The following GABRA5 variants were observed in gnomAD, a reference collection of about 807,000 sequenced individuals.
GABRA5 encodes gamma-aminobutyric acid type A receptor subunit alpha5.
Under a neutral mutation model 47.3 loss-of-function variants are expected in GABRA5, and 18 were observed. The ratio of observed to expected loss-of-function variants is 0.38; its 90% CI spans 0.26 to 0.56. The LOEUF (loss-of-function observed/expected upper bound fraction) is 0.56. Among genes scored for constraint, GABRA5 ranks in the 20% least tolerant of loss-of-function variants. GABRA5 has a pLI of 0.71. For synonymous variants in GABRA5, 237 were observed against 229.3 expected, an observed-to-expected ratio of 1.03 and a Z score of -0.30; for missense variants, 365 against 599.3, an observed-to-expected ratio of 0.61 and a Z score of 4.08.
At chr15:26,913,596 G>C (rs1440154332) in intron 6 of GABRA5, among the ~76,000 whole-genome samples, 1 of 152,020 alleles carries the variant, frequency 6.6e-6, no homozygotes, top group Middle Eastern at 3.2e-3. Flanking sequence ...ATTATTATTT[G>C]CTCTAAAAAT....
intron 3 of GABRA5, 65 bp downstream of exon 3, chr15:26,869,399 C>A: frequency 2.1e-6 from 2 of 964,932 alleles, no homozygotes; most frequent in Admixed American, 1.7e-5. Context: ...AGACATGTTA[C>A]GGGAGCAGCA....
At chr15:26,885,335 A>AGAGATGT (rs1566867064) in intron 6 of GABRA5, among the ~76,000 whole-genome samples, 2 of 150,800 alleles carry the variant, frequency 1.3e-5, no homozygotes. Flanking sequence ...GACTCAGGCA[A>AGAGATGT]GAGATGTGGG....
intron 6 of GABRA5, among the ~76,000 whole-genome samples, chr15:26,907,631 A>G (rs961593468): frequency 4.6e-5 from 7 of 152,192 alleles, no homozygotes; most frequent in South Asian, 2.1e-4. Context: ...ATCTACAACC[A>G]TCACAGAATG....
chr15:26,939,641 C>G (rs890404113), intron 8 of GABRA5: 2 of 599,326 alleles, frequency 3.3e-6, no homozygotes, highest in Non-Finnish European at 5.9e-6. Context: ...GGGAGAGAGG[C>G]ACAGATTGTG....
chr15:26,885,156 G>T (rs574507809), intron 6 of GABRA5, among the ~76,000 whole-genome samples: 1 of 152,034 alleles, frequency 6.6e-6, no homozygotes, highest in African/African-American at 2.4e-5. Flanking sequence ...AAAATTAGCC[G>T]GGCGTGGTGG....
intron 3 of GABRA5, among the ~76,000 whole-genome samples, chr15:26,878,098 A>C (rs1298316935): frequency 6.6e-6 from 1 of 152,208 alleles, no homozygotes; most frequent in Non-Finnish European, 1.5e-5. Context: ...TGGGCTGAGG[A>C]CATCTTGGTT....
At chr15:26,945,753 G>T (rs1393324479) in intron 10 of GABRA5, among the ~76,000 whole-genome samples, 1 of 152,160 alleles carries the variant, frequency 6.6e-6, no homozygotes, top group Admixed American at 6.5e-5. Context: ...TCCAGGGCGC[G>T]TGTAAATCTC....
At chr15:26,935,257 A>G (rs770932883) in intron 7 of GABRA5, among the ~76,000 whole-genome samples, 5 of 152,234 alleles carry the variant, frequency 3.3e-5, no homozygotes, top group Non-Finnish European at 5.9e-5. Flanking sequence ...TAACATCGTC[A>G]ATATCAAGAG....
intron 7 of GABRA5, among the ~76,000 whole-genome samples, chr15:26,920,617 A>T (rs1388969907): frequency 4.6e-5 from 7 of 152,082 alleles, no homozygotes; most frequent in Non-Finnish European, 8.8e-5. Context: ...CTTTCATTTT[A>T]TGGAACATAT....
At chr15:26,879,057 C>T (rs1016826241) in intron 3 of GABRA5, among the ~76,000 whole-genome samples, 1 of 152,226 alleles carries the variant, frequency 6.6e-6, no homozygotes, top group Non-Finnish European at 1.5e-5. Flanking sequence ...TACCATCTAA[C>T]ACAATTTAGG....
At chr15:26,933,883 A>C (rs1440462783) in intron 7 of GABRA5, among the ~76,000 whole-genome samples, 1 of 152,140 alleles carries the variant, frequency 6.6e-6, no homozygotes, top group Admixed American at 6.5e-5. Context: ...TCAAAGTTTT[A>C]CCATTGATGT....
rs112461960 is a variant in GABRA5, at chr15:26,913,277, T to A, written c.498-1526T>A. 2.8e-3 allele frequency among the ~76,000 whole-genome samples: 430 copies of A among 152,048 alleles called. 6 individuals are homozygous for A. Among genetic ancestry groups the A allele is most frequent in the African/African-American group, 9.8e-3 (408 of 41,486 alleles). ...ACACACACAAGCCTCTGTGAGTCAC[T>A]CCATCTTTGGGGAAACCTTCCGTCA... On this transcript the variant is annotated intron_variant, in intron 6 of 10. Coordinates refer to ENST00000335625, the MANE Select transcript of GABRA5 (RefSeq NM_000810.4).
chr15:26,943,586 A>G (rs1195663040), intron 10 of GABRA5, among the ~76,000 whole-genome samples, 160 bp downstream of exon 10: 1 of 152,194 alleles, frequency 6.6e-6, no homozygotes, highest in Non-Finnish European at 1.5e-5. Flanking sequence ...TACTGACAAC[A>G]GGTCCAATTT....
At chr15:26,939,515 A>G in intron 8 of GABRA5, 1 of 687,636 alleles carries the variant, frequency 1.5e-6, no homozygotes. Flanking sequence ...TGGAGCCTCT[A>G]GACTGGAAAC....
Position 26,948,312 on chromosome 15 carries a change from C to T in GABRA5, c.*79C>T. On this transcript the variant is annotated 3_prime_UTR_variant, in exon 11 of 11. Transcript: ENST00000335625. ...AGGAGAGGTCTTGCTCACAGGGACTCTCCATATGTGAGCACTATCTTTCAG... is the reference window on the plus strand; with the variant it reads ...AGGAGAGGTCTTGCTCACAGGGACTTTCCATATGTGAGCACTATCTTTCAG... 1.5e-6 allele frequency: 2 copies of T among 1,351,690 alleles called. No individual in the cohort carries two copies. Among genetic ancestry groups the T allele is most frequent in the East Asian group, 4.8e-5 (2 of 41,732 alleles). 83.7% of individuals were successfully genotyped at this position (1,351,690 alleles called of 1,614,324 possible). A position where few individuals can be genotyped will look rare whatever the true frequency, so the allele number is the denominator to read the frequency against.
At chr15:26,885,759 C>T (rs1461509462) in intron 6 of GABRA5, among the ~76,000 whole-genome samples, 1 of 152,116 alleles carries the variant, frequency 6.6e-6, no homozygotes, top group Non-Finnish European at 1.5e-5. Flanking sequence ...GAAGCGAGTG[C>T]AGTCTCAGCC....
intron 7 of GABRA5, among the ~76,000 whole-genome samples, chr15:26,923,146 A>T (rs1893882040): frequency 1.3e-5 from 2 of 152,208 alleles, no homozygotes; most frequent in Non-Finnish European, 2.9e-5. Flanking sequence ...AACTCAATAG[A>T]CAAAGGAAAT....
At chr15:26,906,837 G>A in intron 6 of GABRA5, among the ~76,000 whole-genome samples, 1 of 152,084 alleles carries the variant, frequency 6.6e-6, no homozygotes, top group East Asian at 1.9e-4. Flanking sequence ...GTCCTCCTGA[G>A]AAACATGAGC....
chr15:26,911,923 A>G (rs1398140476), intron 6 of GABRA5, among the ~76,000 whole-genome samples: 2 of 152,202 alleles, frequency 1.3e-5, no homozygotes, highest in East Asian at 3.9e-4. Context: ...TGACGATGGC[A>G]TAGACTGTGT....
Sources: gnomAD v4.1 joint callset for allele counts (sites outside exome capture counted in the v4.1 genomes callset) on GRCh38, gnomAD v4.1.1 for gene constraint, MANE v1.5 for transcripts, NCBI Gene and HGNC (gene_info 2026-07-23, HGNC 2026-07-21) for gene names.